The following USP40 variants were observed in gnomAD, a reference collection of about 807,000 sequenced individuals.
USP40 encodes the protein ubiquitin carboxyl-terminal hydrolase 40.
USP40 carries 143 observed loss-of-function variants against 166.2 expected under a neutral mutation model. That is an observed-to-expected ratio of 0.86 (90% CI 0.75 to 0.99). USP40 has a LOEUF of 0.99. USP40 is among the 50% of genes least tolerant of loss of function. The pLI is 0.00. For synonymous variants in USP40, 498 were observed against 524.0 expected, an observed-to-expected ratio of 0.95 and a Z score of 0.68; for missense variants, 1,444 against 1,479.7, an observed-to-expected ratio of 0.98 and a Z score of 0.40.
chr2:233,541,454 C>G (rs961771254), intron 9 of USP40, among the ~76,000 whole-genome samples: 2 of 152,214 alleles, frequency 1.3e-5, no homozygotes, highest in African/African-American at 4.8e-5. Flanking sequence ...AGACGGCCAT[C>G]TGCAAGCCAA....
intron 7 of USP40, among the ~76,000 whole-genome samples, chr2:233,549,652 T>TA (rs397717843): frequency 6.6e-6 from 1 of 151,636 alleles, no homozygotes; most frequent in East Asian, 1.9e-4. Context: ...CCCCTTTTTT[T>TA]ATTGATATAT....
At chr2:233,487,980 C>G (rs1264550982) in intron 28 of USP40, 3 of 649,004 alleles carry the variant, frequency 4.6e-6, no homozygotes, top group Non-Finnish European at 8.8e-6. Context: ...GCTGACACTT[C>G]AGGGCCATCA....
At chr2:233,547,040 AAGCCAGAATGGG>A (rs912075795) in intron 8 of USP40, 43 of 152,318 alleles carry the variant, frequency 2.8e-4, no homozygotes, top group African/African-American at 1.0e-3. Context: ...CAGCTTTCCC[AAGCCAGAATGGG>A]AGTTCCATTC....
Position 233,476,082 on chromosome 2 carries a change from C to T in USP40, c.*1310G>A, listed in dbSNP as rs180855488. The T allele has an allele frequency of 5.2e-5, 8 of 152,446 alleles. No individual in the cohort carries two copies. The East Asian group carries it at 9.4e-4, about 18-fold the overall frequency. The allele number at this position is 152,446 out of a possible 1,614,324, so 9.4% of individuals were successfully genotyped here. On this transcript the variant is annotated 3_prime_UTR_variant, in exon 32 of 32. Coordinates refer to ENST00000678225, the MANE Select transcript of USP40 (RefSeq NM_001365479.2). ...ACGCTCTCAGACACGTGTGCAGAAG[C>T]GACGTGGCTTCTGTCTGGTAGGGGT...
At chr2:233,500,158 A>C (rs754166762) in intron 21 of USP40, among the ~76,000 whole-genome samples, 4 of 152,210 alleles carry the variant, frequency 2.6e-5, no homozygotes, top group Non-Finnish European at 4.4e-5. Context: ...GACTTAGTTC[A>C]AAGTTTCATC....
At chr2:233,555,837 A>G (rs1039178971) in intron 5 of USP40, among the ~76,000 whole-genome samples, 2 of 152,014 alleles carry the variant, frequency 1.3e-5, no homozygotes, top group Admixed American at 1.3e-4. Flanking sequence ...ATTTTGGGCC[A>G]GGCGCGGTGG....
chr2:233,500,530 G>T (rs1175974277), intron 21 of USP40, among the ~76,000 whole-genome samples: 1 of 152,076 alleles, frequency 6.6e-6, no homozygotes, highest in Non-Finnish European at 1.5e-5. Context: ...AATACAATTT[G>T]ATTTCTATTA....
Position 233,533,464 on chromosome 2 carries a change from T to C in USP40, c.1471+15A>G, listed in dbSNP as rs373752618. 1.2e-6 allele frequency: 2 copies of C among 1,600,510 alleles called. No individual in the cohort carries two copies. The highest frequency in any genetic ancestry group is 8.5e-7 in the Non-Finnish European group (1 of 1,172,502). On this transcript the variant is annotated intron_variant, in intron 11 of 31. Transcript: ENST00000678225. ...CCATTAACTGAAACAAATAGGAACA[T>C]TTTTCTTTCCATACCTTCAGGGGGT...
intron 2 of USP40, among the ~76,000 whole-genome samples, chr2:233,564,496 G>A (rs1003958089): frequency 2.0e-5 from 3 of 151,190 alleles, no homozygotes; most frequent in Non-Finnish European, 4.4e-5. Flanking sequence ...AGAGAAACAG[G>A]GGCAAGAAAT....
intron 11 of USP40, among the ~76,000 whole-genome samples, chr2:233,531,918 G>A (rs114644056): frequency 0.028 from 4,189 of 152,272 alleles, 110 homozygotes; most frequent in Non-Finnish European, 0.043. Flanking sequence ...ATAGGGTCTG[G>A]AGACAGGGAA....
intron 31 of USP40, among the ~76,000 whole-genome samples, chr2:233,477,975 C>T (rs754721445): frequency 1.3e-5 from 2 of 152,254 alleles, no homozygotes; most frequent in African/African-American, 4.8e-5. Context: ...GTGACCCCCC[C>T]GGCCCATGGC....
intron 17 of USP40, among the ~76,000 whole-genome samples, chr2:233,520,369 C>T (rs555501129): frequency 2.0e-5 from 3 of 152,010 alleles, no homozygotes; most frequent in African/African-American, 4.8e-5. Context: ...AATATTAACA[C>T]ACTTTAAGAA....
chr2:233,520,901 A>C, intron 17 of USP40, 90 bp downstream of exon 17: 1 of 1,412,788 alleles, frequency 7.1e-7, no homozygotes, highest in Non-Finnish European at 9.5e-7. Context: ...CTATTGAGAC[A>C]ACTGTTCTGA....
chr2:233,485,716 A>G (rs2064901463), intron 29 of USP40, 51 bp downstream of exon 29: 1 of 1,604,362 alleles, frequency 6.2e-7, no homozygotes, highest in South Asian at 1.1e-5. Flanking sequence ...GCATAACCTC[A>G]TTGCTATGCC....
At chr2:233,501,741 C>T (rs1202868700) in intron 21 of USP40, among the ~76,000 whole-genome samples, 3 of 152,168 alleles carry the variant, frequency 2.0e-5, no homozygotes, top group Non-Finnish European at 4.4e-5. Flanking sequence ...TTGCCATTAA[C>T]TGAAAAAGAG....
chr2:233,557,572 T>C (rs188763695), intron 4 of USP40, among the ~76,000 whole-genome samples: 1 of 151,944 alleles, frequency 6.6e-6, no homozygotes, highest in Non-Finnish European at 1.5e-5. Context: ...TTAAGAAAAA[T>C]TTATAACCAA....
intron 26 of USP40, 193 bp downstream of exon 26, chr2:233,490,974 C>T (rs2065295916): frequency 1.4e-6 from 1 of 703,176 alleles, no homozygotes; most frequent in Non-Finnish European, 2.7e-6. Flanking sequence ...GAGGAGGGAC[C>T]AGTGAGGCCA....
At chr2:233,489,509 C>G (rs954564523) in intron 26 of USP40, 26 bp from the exon 27 acceptor site, 1 of 1,543,064 alleles carries the variant, frequency 6.5e-7, no homozygotes, top group African/African-American at 1.4e-5. Flanking sequence ...GACATTTCTC[C>G]AACGGTTTTA....
chr2:233,550,400 A>G (rs1007983422), intron 7 of USP40, among the ~76,000 whole-genome samples: 2 of 152,106 alleles, frequency 1.3e-5, no homozygotes, highest in East Asian at 3.8e-4. Flanking sequence ...AGAAACAATT[A>G]TATTAACTAA....
Sources: allele counts gnomAD v4.1 joint callset (sites outside exome capture counted in the v4.1 genomes callset), GRCh38; gene constraint gnomAD v4.1.1; transcripts MANE v1.5; gene names NCBI Gene and HGNC (gene_info 2026-07-23, HGNC 2026-07-21).